Variants in NPHP3 observed in about 807,000 individuals in gnomAD.
NPHP3 encodes nephrocystin-3.
NPHP3 carries 123 observed loss-of-function variants against 171.9 expected under a neutral mutation model. The observed-to-expected ratio is 0.72, with a 90% CI of 0.62 to 0.83. The LOEUF is 0.83. Among genes scored for constraint, NPHP3 ranks in the 40% least tolerant of loss-of-function variants. NPHP3 has a pLI of 0.00. For synonymous variants in NPHP3, 558 were observed against 579.2 expected (o/e 0.96, Z 0.52); for missense variants, 1,506 against 1,591.9 (o/e 0.95, Z 0.92).
In NPHP3 at chr3:132,701,457, G is replaced by T; in HGVS notation, c.1601C>A (p.Ser534Tyr). Residue 534 changes from serine (S) to tyrosine (Y), a missense_variant, in exon 10 of 27, where the codon TCT becomes TAT. Around this residue, in one of 3 missense-constraint regions of NPHP3, gnomAD observed 930 missense variants for 924.9 expected, o/e 1.01. Transcript: ENST00000337331. ...PPLLVSGGPG[S>Y]GKSLLLSKWI... Reference sequence around the variant, plus strand: ...CTTTGATAAAAGAAGAGACTTCCCAGAACCTGGTCCTCCAGACACGAGAAG... The same window carrying T: ...CTTTGATAAAAGAAGAGACTTCCCATAACCTGGTCCTCCAGACACGAGAAG... 6.2e-7 allele frequency: 1 copy of T among 1,612,986 alleles called. No individual in the cohort carries two copies. Among genetic ancestry groups the T allele is most frequent in the South Asian group, 1.1e-5 (1 of 91,048 alleles).
Position 132,722,024 on chromosome 3 carries a change from G to C in NPHP3, c.332C>G (p.Ser111Cys), listed in dbSNP as rs200233813. The C allele has an allele frequency of 1.2e-6, 2 of 1,613,224 alleles. No homozygotes were observed. Among genetic ancestry groups the C allele is most frequent in the East Asian group, 2.2e-5 (1 of 44,874 alleles). ...CAGCTTGGCCTCGCGGCGGCCCATG[G>C]ACAACAACTCCTGGTTCTTGCTGAC... ...FRVSKNQELL[S>C]MGRREAKLDT... The change falls in exon 1 of 27, where the codon TCC becomes TGC. Residue 111 changes from serine to cysteine, a missense_variant. By Grantham distance (112) the Ser-to-Cys change is moderately radical. Transcript: ENST00000337331.
chr3:132,682,934 T>A, intron 25 of NPHP3, 116 bp from the exon 26 acceptor site: 4 of 718,010 alleles, frequency 5.6e-6, no homozygotes, highest in South Asian at 3.1e-5. Context: ...TCCTAAAAGA[T>A]GGGAATAAAC....
At chr3:132,687,259 G>C in intron 21 of NPHP3, 33 bp from the exon 22 acceptor site, 1 of 952,564 alleles carries the variant, frequency 1.0e-6, no homozygotes, top group Non-Finnish European at 1.7e-6. Flanking sequence ...TCAAACAAAA[G>C]AAACATATTC....
chr3:132,681,142 C>T lies in NPHP3; in HGVS notation c.*768G>A, dbSNP rs897970596. ...ATTTGAATCGTTCATAAACATTAAC[C>T]CTTTAATCCTTGAAACTTTCCTTTG... On this transcript the variant is annotated 3_prime_UTR_variant, in exon 27 of 27. Coordinates refer to ENST00000337331, the MANE Select transcript of NPHP3 (RefSeq NM_153240.5). 1 of 152,182 alleles carries T rather than the reference C, an allele frequency of 6.6e-6. No individual in the cohort carries two copies. Among genetic ancestry groups the T allele is most frequent in the African/African-American group, 2.4e-5 (1 of 41,438 alleles). The allele number at this position is 152,182 out of a possible 1,614,324, so 9.4% of individuals were successfully genotyped here. A position where few individuals can be genotyped will look rare whatever the true frequency, so the allele number is the denominator to read the frequency against.
chr3:132,712,340 T>C (rs779115894), intron 6 of NPHP3: 1 of 445,078 alleles, frequency 2.2e-6, no homozygotes, highest in Non-Finnish European at 4.5e-6. Context: ...AGGTTAATGT[T>C]GATTATTGAA....
At chr3:132,714,154 G>A (rs1384483735) in intron 5 of NPHP3, among the ~76,000 whole-genome samples, 1 of 152,210 alleles carries the variant, frequency 6.6e-6, no homozygotes. Context: ...ATACGTAAAC[G>A]AATGAGTGCA....
rs1940256602 is a variant in NPHP3, at chr3:132,722,264, G to A, written c.92C>T (p.Pro31Leu). 3 of 1,576,322 alleles carry A rather than the reference G, an allele frequency of 1.9e-6. No homozygotes were observed. The highest frequency in any genetic ancestry group is 1.4e-5 in the African/African-American group (1 of 71,906). The change falls in exon 1 of 27, where the codon CCG becomes CTG. Residue 31 changes from proline (P) to leucine (L), a missense_variant. By Grantham distance (98) the Pro-to-Leu change is moderately conservative. Coordinates refer to ENST00000337331, the MANE Select transcript of NPHP3 (RefSeq NM_153240.5). Reference protein sequence around the residue: ...GAGGGEACEIPVEVKPKARLL... With the variant: ...GAGGGEACEILVEVKPKARLL... ...GCGGGCCTTGGGCTTCACCTCCACC[G>A]GGATCTCGCAGGCCTCGCCGCCGCC...
chr3:132,697,599 A>G (rs929498345), intron 13 of NPHP3, among the ~76,000 whole-genome samples: 2 of 152,240 alleles, frequency 1.3e-5, no homozygotes, highest in African/African-American at 4.8e-5. Context: ...CAGTATATAC[A>G]TTAGATAGTT....
chr3:132,685,635 CATT>C (rs1340488004), intron 23 of NPHP3: 1 of 152,252 alleles, frequency 6.6e-6, no homozygotes, highest in Non-Finnish European at 1.5e-5. Flanking sequence ...AAACCGTCTA[CATT>C]ATTTACCATT....
In NPHP3 at chr3:132,689,187, C is replaced by G; in HGVS notation, c.2770G>C (p.Asp924His). Residue 924 changes from aspartate (D) to histidine (H), a missense_variant, in exon 20 of 27, where the codon GAT becomes CAT. Transcript: ENST00000337331. ...DKSAMATEYFDSLKQYEKNCE... is the reference protein window; with the variant it reads ...DKSAMATEYFHSLKQYEKNCE... The stretch of plus-strand genomic sequence containing the variant: ...TTTTTCTCATACTGCTTCAATGAAT[C>G]GAAGTATTCTGTTGCCATTGCACTT... The G allele has an allele frequency of 6.2e-7, 1 of 1,614,086 alleles. No homozygotes were observed. The highest frequency in any genetic ancestry group is 2.2e-5 in the East Asian group (1 of 44,882).
chr3:132,702,783 C>A (rs558562845), intron 9 of NPHP3, among the ~76,000 whole-genome samples: 1 of 152,176 alleles, frequency 6.6e-6, no homozygotes, highest in Non-Finnish European at 1.5e-5. Flanking sequence ...TCAAATAATT[C>A]AAATAGAAAT....
intron 6 of NPHP3, 74 bp from the exon 7 acceptor site, chr3:132,708,331 C>G (rs1939813927): frequency 6.3e-6 from 9 of 1,432,350 alleles, no homozygotes; most frequent in Non-Finnish European, 8.8e-6. Context: ...AACCTAAGTG[C>G]CAATAATGGA....
Position 132,699,336 on chromosome 3 carries a change from T to G in NPHP3, c.1985+17A>C. ...AACATTTCATGTACTCTGAAAGAAC[T>G]AAAGTTGGCATCGTACCTCCATGCT... On this transcript the variant is annotated intron_variant, in intron 13 of 26. Coordinates refer to ENST00000337331, the MANE Select transcript of NPHP3 (RefSeq NM_153240.5). 1 of 1,548,812 alleles carries G rather than the reference T, an allele frequency of 6.5e-7. No homozygotes were observed. The highest frequency in any genetic ancestry group is 8.9e-7 in the Non-Finnish European group (1 of 1,121,768).
intron 10 of NPHP3, 112 bp downstream of exon 10, chr3:132,701,318 T>C: frequency 1.4e-6 from 1 of 720,688 alleles, no homozygotes; most frequent in East Asian, 2.8e-5. Context: ...CCTTTTTACT[T>C]TGTTAATGTT....
intron 3 of NPHP3, chr3:132,717,411 T>C (rs1440272520): frequency 6.3e-6 from 1 of 157,498 alleles, no homozygotes; most frequent in Non-Finnish European, 1.4e-5. Flanking sequence ...TAGCTACTTA[T>C]GAACATGATG....
At chr3:132,705,887 A>G in intron 7 of NPHP3, 73 bp from the exon 8 acceptor site, 1 of 795,382 alleles carries the variant, frequency 1.3e-6, no homozygotes, top group Non-Finnish European at 2.2e-6. Context: ...ATACTTTTAT[A>G]CTGCTTATGT....
In NPHP3 at chr3:132,681,787, A is replaced by G; in HGVS notation, c.*123T>C. 1 of 783,534 alleles carries G rather than the reference A, an allele frequency of 1.3e-6. No individual in the cohort carries two copies. The highest frequency in any genetic ancestry group is 2.2e-6 in the Non-Finnish European group (1 of 453,246). The allele number at this position is 783,534 out of a possible 1,614,324, so 48.5% of individuals were successfully genotyped here. ...TAATCCAATACAACTTCATACAAAT[A>G]GCAGTTAAATCACACGTAGTAAAAT... is the stretch of plus-strand genomic sequence containing the variant. On this transcript the variant is annotated 3_prime_UTR_variant, in exon 27 of 27. Transcript: ENST00000337331.
chr3:132,696,659 T>G (rs1576669451), intron 15 of NPHP3, 72 bp downstream of exon 15: 2 of 1,335,688 alleles, frequency 1.5e-6, no homozygotes, highest in East Asian at 4.6e-5. Context: ...AGTTCTCAGT[T>G]TTGCAGGGTG....
At chr3:132,700,224 CA>C in intron 11 of NPHP3, 109 bp downstream of exon 11, 1 of 1,177,988 alleles carries the variant, frequency 8.5e-7, no homozygotes. Flanking sequence ...TATATAAAAC[CA>C]AAACAGGTGG....
Sources: allele counts gnomAD v4.1 joint callset (sites outside exome capture counted in the v4.1 genomes callset), GRCh38; gene constraint gnomAD v4.1.1; regional missense constraint gnomAD v4.1.1; transcripts MANE v1.5; gene names NCBI Gene and HGNC (gene_info 2026-07-23, HGNC 2026-07-21).